The following SNTG2 variants were observed in gnomAD, a reference collection of about 807,000 sequenced individuals.
SNTG2 encodes syntrophin gamma 2.
Under a neutral mutation model 70.9 loss-of-function variants are expected in SNTG2, and 74 were observed. That is an observed-to-expected ratio of 1.04 (90% CI 0.86 to 1.27). SNTG2 has a LOEUF of 1.27. SNTG2 is among the 50% of genes most tolerant of loss of function. SNTG2 has a pLI of 0.00. For missense variants in SNTG2, 717 were observed against 690.7 expected, an observed-to-expected ratio of 1.04 and a Z score of -0.43; for synonymous variants, 278 against 273.8, an observed-to-expected ratio of 1.02 and a Z score of -0.15.
At chr2:1,360,505 A>C (rs906590731) in intron 16 of SNTG2, among the ~76,000 whole-genome samples, 2 of 152,316 alleles carry the variant, frequency 1.3e-5, no homozygotes, top group East Asian at 3.9e-4. Flanking sequence ...TTTTATTTCC[A>C]GAAGGTTATT....
chr2:1,051,513 C>T (rs966167849), intron 1 of SNTG2, among the ~76,000 whole-genome samples: 17 of 152,162 alleles, frequency 1.1e-4, no homozygotes, highest in Non-Finnish European at 2.4e-4. Flanking sequence ...GGTATTCACT[C>T]CCCTGTGCAA....
At chr2:1,147,363 TGA>T (rs1413371620) in intron 6 of SNTG2, among the ~76,000 whole-genome samples, 1 of 152,146 alleles carries the variant, frequency 6.6e-6, no homozygotes, top group East Asian at 1.9e-4. Context: ...TTAATTTGGG[TGA>T]GCACCATCTC....
intron 16 of SNTG2, among the ~76,000 whole-genome samples, chr2:1,350,162 G>A (rs934929193): frequency 5.3e-5 from 8 of 151,964 alleles, no homozygotes; most frequent in Admixed American, 3.9e-4. Context: ...CCCTCCCTGC[G>A]ATGCCTATTA....
At chr2:1,020,066 C>A (rs558928296) in intron 1 of SNTG2, among the ~76,000 whole-genome samples, 1 of 152,130 alleles carries the variant, frequency 6.6e-6, no homozygotes, top group African/African-American at 2.4e-5. Context: ...AAGAACAACA[C>A]AGAAACACTA....
intron 16 of SNTG2, among the ~76,000 whole-genome samples, chr2:1,347,262 T>A (rs1240794481): frequency 6.6e-6 from 1 of 151,972 alleles, no homozygotes; most frequent in Non-Finnish European, 1.5e-5. Context: ...AGTAAGAAGA[T>A]CAAAACTTGA....
At chr2:1,313,489 C>T (rs1367442575) in intron 15 of SNTG2, among the ~76,000 whole-genome samples, 2 of 152,192 alleles carry the variant, frequency 1.3e-5, no homozygotes, top group Non-Finnish European at 2.9e-5. Context: ...TGTCCAATTG[C>T]GCTTTGGAGA....
intron 1 of SNTG2, among the ~76,000 whole-genome samples, chr2:1,008,594 T>G (rs1235333712): frequency 6.6e-6 from 1 of 152,172 alleles, no homozygotes; most frequent in Non-Finnish European, 1.5e-5. Flanking sequence ...ATCAAACCGT[T>G]TTTATTATTT....
chr2:1,033,645 C>A lies in SNTG2; in HGVS notation c.73-49873C>A, dbSNP rs563884391. Among the ~76,000 whole-genome samples, 3 of 152,310 alleles carry A rather than the reference C, an allele frequency of 2.0e-5. No homozygotes were observed. In the South Asian group the frequency reaches 6.2e-4, roughly 32 times the overall value. On this transcript the variant is annotated intron_variant, in intron 1 of 16. Transcript: ENST00000308624. Reference sequence around the variant, plus strand: ...TTTTGGAGTCCTGAAAAAGTTGTGGCCAACAATTTTTGCCAGTCTGCTGTC... The same window carrying A: ...TTTTGGAGTCCTGAAAAAGTTGTGGACAACAATTTTTGCCAGTCTGCTGTC...
intron 1 of SNTG2, among the ~76,000 whole-genome samples, chr2:1,038,840 T>G (rs1024815187): frequency 2.0e-5 from 3 of 152,244 alleles, no homozygotes. Flanking sequence ...TGGCATCTAA[T>G]GAACTATGTG....
intron 1 of SNTG2, among the ~76,000 whole-genome samples, chr2:1,074,178 G>A (rs140894514): frequency 0.012 from 1,812 of 152,338 alleles, 12 homozygotes; most frequent in Non-Finnish European, 0.018. Flanking sequence ...CCCGGCAGCT[G>A]CAGTGTAGCC....
intron 6 of SNTG2, among the ~76,000 whole-genome samples, chr2:1,159,854 A>G (rs1670156640): frequency 6.6e-6 from 1 of 152,238 alleles, no homozygotes; most frequent in Non-Finnish European, 1.5e-5. Flanking sequence ...CTGATGAAGA[A>G]ATATTAATTA....
Position 956,815 on chromosome 2 carries a change from G to A in SNTG2, c.72+5747G>A, listed in dbSNP as rs187841790. 2.5e-3 allele frequency among the ~76,000 whole-genome samples: 376 copies of A among 152,354 alleles called. 3 individuals are homozygous for A. Among genetic ancestry groups the A allele is most frequent in the African/African-American group, 8.5e-3 (353 of 41,582 alleles). On this transcript the variant is annotated intron_variant, in intron 1 of 16. Coordinates refer to ENST00000308624, the MANE Select transcript of SNTG2 (RefSeq NM_018968.4). ...TTCTATGAACTAGAGAGAAAGTTCC[G>A]TTTCTGGTTTTTGAACTGATAATTT...
chr2:1,010,211 C>T (rs1451960993), intron 1 of SNTG2, among the ~76,000 whole-genome samples: 1 of 151,988 alleles, frequency 6.6e-6, no homozygotes, highest in African/African-American at 2.4e-5. Flanking sequence ...TAGGGGCTCA[C>T]TAAAGATGGG....
chr2:1,161,338 C>A (rs1335733505), intron 6 of SNTG2: 6 of 151,090 alleles, frequency 4.0e-5, no homozygotes, highest in African/African-American at 1.2e-4. Context: ...ATACATTGTG[C>A]ACAAAAAAGC....
At chr2:1,196,056 T>G (rs1672890650) in intron 8 of SNTG2, among the ~76,000 whole-genome samples, 1 of 152,192 alleles carries the variant, frequency 6.6e-6, no homozygotes, top group Admixed American at 6.5e-5. Flanking sequence ...GCATATCACC[T>G]TCTTCTTAAT....
chr2:1,300,339 G>A (rs868297059), intron 14 of SNTG2, among the ~76,000 whole-genome samples: 6 of 152,236 alleles, frequency 3.9e-5, no homozygotes, highest in East Asian at 1.9e-4. Context: ...TAGCTAAAGC[G>A]TTTTCTGCAG....
intron 8 of SNTG2, among the ~76,000 whole-genome samples, chr2:1,183,875 A>AT (rs908426072): frequency 2.7e-4 from 41 of 151,656 alleles, no homozygotes; most frequent in East Asian, 1.4e-3. Flanking sequence ...TGTATATCCA[A>AT]TTTTTTTTTC....
At position 1,367,284 on chromosome 2, in the gene SNTG2, T is replaced by G; in HGVS notation, c.1489-59T>G. 4 of 1,464,924 alleles carry G rather than the reference T, an allele frequency of 2.7e-6. No homozygotes were observed. In the South Asian group the frequency reaches 5.5e-5, roughly 20 times the overall value. 90.7% of individuals were successfully genotyped at this position (1,464,924 alleles called of 1,614,324 possible). A position where few individuals can be genotyped will look rare whatever the true frequency, so the allele number is the denominator to read the frequency against. ...ACAAGGTCCAAACTTTGTTAAATAT[T>G]TTTGTAACGTGTTCTTCCAACAATT... On this transcript the variant is annotated intron_variant, in intron 16 of 16. Coordinates refer to ENST00000308624, the MANE Select transcript of SNTG2 (RefSeq NM_018968.4).
chr2:955,561 T>C (rs1660112619), intron 1 of SNTG2, among the ~76,000 whole-genome samples: 1 of 152,194 alleles, frequency 6.6e-6, no homozygotes. Context: ...TTCATCAAAA[T>C]AGTTTAAATG....
Sources: gnomAD v4.1 joint callset for allele counts (sites outside exome capture counted in the v4.1 genomes callset) on GRCh38, gnomAD v4.1.1 for gene constraint, MANE v1.5 for transcripts, NCBI Gene and HGNC (gene_info 2026-07-23, HGNC 2026-07-21) for gene names.